Variants in DAG1 observed in about 807,000 individuals in gnomAD.
The protein encoded by DAG1 is dystroglycan 1 (dystrophin-associated glycoprotein 1).
In DAG1, 8 loss-of-function variants were observed where a neutral mutation model predicts 46.1. That is an observed-to-expected ratio of 0.17 (90% CI 0.10 to 0.31). The LOEUF (loss-of-function observed/expected upper bound fraction) is 0.31. Ranked by LOEUF, DAG1 falls within the 10% of genes least tolerant of loss-of-function variation. The pLI is 1.00. For missense variants in DAG1, 1,003 were observed against 1,189.9 expected (o/e 0.84, Z 2.31); for synonymous variants, 495 against 481.8 (o/e 1.03, Z -0.36).
intron 1 of DAG1, among the ~76,000 whole-genome samples, chr3:49,499,101 G>A (rs992973121): frequency 6.6e-6 from 1 of 152,200 alleles, no homozygotes; most frequent in Non-Finnish European, 1.5e-5. Flanking sequence ...GGGAGTAGGG[G>A]CTCCTAGGAG....
At chr3:49,526,207 G>C (rs955981559) in intron 2 of DAG1, among the ~76,000 whole-genome samples, 4 of 152,170 alleles carry the variant, frequency 2.6e-5, no homozygotes, top group African/African-American at 9.7e-5. Context: ...ACAGCACTAG[G>C]GGGGTGGTAC....
At position 49,531,912 on chromosome 3, in the gene DAG1, C is replaced by T. The variant is rs1222765845; in HGVS notation, c.1401C>T (p.Ser467=). Residue 467 remains serine (S), a synonymous_variant, in exon 3 of 3, where the codon TCC becomes TCT. Transcript: ENST00000308775. The surrounding 1 kb of genome is among the most constrained non-coding windows in gnomAD (Gnocchi z 7.0). ...TGCCCCGGGTCACCACCAAAGTTTC[C>T]ATCACCAGATTGGAAACTGCCTCAC... ...RPVPRVTTKV[S]ITRLETASPP... is the part of the protein sequence containing the mutation. The T allele has an allele frequency of 1.2e-5, 19 of 1,614,078 alleles. No individual in the cohort carries two copies. The highest frequency in any genetic ancestry group is 1.4e-5 in the Non-Finnish European group (17 of 1,180,052).
In DAG1 at chr3:49,510,153, A is replaced by G. The variant is rs1575386170; in HGVS notation, c.-116-266A>G. On this transcript the variant is annotated intron_variant, in intron 1 of 2. Transcript: ENST00000308775. ...TACATATCATTTCAGTTTGCAATCAATATTTTAAAAGTATTAATGAGGCAT... is the reference window on the plus strand; with the variant it reads ...TACATATCATTTCAGTTTGCAATCAGTATTTTAAAAGTATTAATGAGGCAT... The G allele has an allele frequency of 2.0e-5, 9 of 456,412 alleles. No individual in the cohort carries two copies. In the East Asian group the frequency reaches 2.3e-4, roughly 12 times the overall value. 28.3% of individuals were successfully genotyped at this position (456,412 alleles called of 1,614,324 possible).
chr3:49,499,655 G>C lies in DAG1; in HGVS notation c.-116-10764G>C, dbSNP rs549936455. On this transcript the variant is annotated intron_variant, in intron 1 of 2. Transcript: ENST00000308775. Reference sequence around the variant, plus strand: ...TCCATAAGGCTGTCTGGACAGAATGGGGTCATAAGGGCCTGGCTCCTCATG... The same window carrying C: ...TCCATAAGGCTGTCTGGACAGAATGCGGTCATAAGGGCCTGGCTCCTCATG... 6.6e-5 allele frequency among the ~76,000 whole-genome samples: 10 copies of C among 152,248 alleles called. No homozygotes were observed. The South Asian group carries it at 2.1e-3, about 32-fold the overall frequency.
At chr3:49,530,716 C>G in intron 2 of DAG1, 81 bp from the exon 3 acceptor site, 1 of 1,593,360 alleles carries the variant, frequency 6.3e-7, no homozygotes, top group South Asian at 1.1e-5. Context: ...ACCTGTCACA[C>G]AATTCAGGTT....
In DAG1 at chr3:49,480,536, G is replaced by A. The variant is rs144935415; in HGVS notation, c.-117+10103G>A. 8.8e-4 allele frequency among the ~76,000 whole-genome samples: 128 copies of A among 145,922 alleles called. 2 individuals are homozygous for A. Among genetic ancestry groups the A allele is most frequent in the African/African-American group, 1.2e-3 (48 of 40,266 alleles). On this transcript the variant is annotated intron_variant, in intron 1 of 2. Transcript: ENST00000308775. ...TCTCGATCTCCTGACCTCGTGATCCGCCCGCCTTGGCCTCCCAAAGAGCTG... is the reference window on the plus strand; with the variant it reads ...TCTCGATCTCCTGACCTCGTGATCCACCCGCCTTGGCCTCCCAAAGAGCTG...
At chr3:49,490,826 T>C (rs1336775677) in intron 1 of DAG1, among the ~76,000 whole-genome samples, 1 of 148,750 alleles carries the variant, frequency 6.7e-6, no homozygotes, top group East Asian at 2.0e-4. Flanking sequence ...CTTCTCAGCC[T>C]CCCAAAGTGC....
intron 2 of DAG1, among the ~76,000 whole-genome samples, chr3:49,525,643 C>T (rs1232037180): frequency 4.0e-5 from 6 of 151,758 alleles, no homozygotes; most frequent in Non-Finnish European, 7.4e-5. Flanking sequence ...CTGCAGGCTC[C>T]GCCCCCCGGG....
chr3:49,498,028 A>G (rs1193936754), intron 1 of DAG1, among the ~76,000 whole-genome samples: 1 of 152,204 alleles, frequency 6.6e-6, no homozygotes, highest in Non-Finnish European at 1.5e-5. Flanking sequence ...AAGTGAGAGA[A>G]GTGTTCAAAG....
upstream of DAG1, among the ~76,000 whole-genome samples, chr3:49,469,567 G>A (rs1383001236): frequency 6.6e-6 from 1 of 152,168 alleles, no homozygotes; most frequent in Non-Finnish European, 1.5e-5. Context: ...GCAGGCGTCG[G>A]ATTCCAGTGT....
chr3:49,491,767 C>T (rs894667813), intron 1 of DAG1, among the ~76,000 whole-genome samples: 4 of 151,498 alleles, frequency 2.6e-5, no homozygotes, highest in Non-Finnish European at 4.4e-5. Flanking sequence ...TGAGCCACCG[C>T]GCCCGGCCTG....
Position 49,482,495 on chromosome 3 carries a change from G to A in DAG1, c.-117+12062G>A, listed in dbSNP as rs557906433. On this transcript the variant is annotated intron_variant, in intron 1 of 2. Transcript: ENST00000308775. ...GAGAAAAACTGCCCTATGGGGGGAG[G>A]CGAGACATGTTTGCAGCAATGCTGC... is the stretch of plus-strand genomic sequence containing the variant. Among the ~76,000 whole-genome samples the A allele has an allele frequency of 7.2e-5, 11 of 152,292 alleles. No homozygotes were observed. The East Asian group carries it at 1.7e-3, about 24-fold the overall frequency.
chr3:49,533,122 G>A lies in DAG1; in HGVS notation c.2611G>A (p.Ala871Thr). 1 of 1,614,144 alleles carries A rather than the reference G, an allele frequency of 6.2e-7. No individual in the cohort carries two copies. Among genetic ancestry groups the A allele is most frequent in the Non-Finnish European group, 8.5e-7 (1 of 1,180,032 alleles). ...PPYQPPPPFT[A>T]PMEGKGSRPK... ...CTACCAGCCCCCACCGCCCTTCACAGCACCCATGGAGGGCAAGGGCTCCCG... is the reference window on the plus strand; with the variant it reads ...CTACCAGCCCCCACCGCCCTTCACAACACCCATGGAGGGCAAGGGCTCCCG... Residue 871 changes from alanine (A) to threonine (T), a missense_variant, in exon 3 of 3, where the codon GCA becomes ACA. By Grantham distance (58) the Ala-to-Thr change is moderately conservative. Coordinates refer to ENST00000308775, the MANE Select transcript of DAG1 (RefSeq NM_004393.6).
intron 2 of DAG1, among the ~76,000 whole-genome samples, chr3:49,515,522 A>G (rs553761925): frequency 8.6e-5 from 13 of 151,348 alleles, no homozygotes; most frequent in African/African-American, 2.9e-4. Context: ...AGTAACTGGG[A>G]CTATAGGTGT....
At chr3:49,479,455 G>A in intron 1 of DAG1, among the ~76,000 whole-genome samples, 1 of 149,022 alleles carries the variant, frequency 6.7e-6, no homozygotes, top group Non-Finnish European at 1.5e-5. Flanking sequence ...GACGACAAGT[G>A]CGTGCCACCA....
chr3:49,490,723 C>T (rs957311773), intron 1 of DAG1, among the ~76,000 whole-genome samples: 1 of 151,576 alleles, frequency 6.6e-6, no homozygotes, highest in African/African-American at 2.4e-5. Context: ...GTGCAGGCTA[C>T]CATGCTGGCC....
Position 49,530,872 on chromosome 3 carries a change from C to T in DAG1, c.361C>T (p.Pro121Ser). ...ACAGAGCCACACCCTGGAGGGCCTC[C>T]CCCTTGACACTGATAAGGGTGTGCA... Reference protein sequence around the residue: ...DSQSHTLEGLPLDTDKGVHYI... With the variant: ...DSQSHTLEGLSLDTDKGVHYI... The change falls in exon 3 of 3, where the codon CCC becomes TCC. Residue 121 changes from proline (P) to serine (S), a missense_variant. This residue lies in a region of DAG1 where 196 missense variants were observed against 239.1 expected (regional missense o/e 0.82). Transcript: ENST00000308775. 6.2e-7 allele frequency: 1 copy of T among 1,614,122 alleles called. No homozygotes were observed. The highest frequency in any genetic ancestry group is 8.5e-7 in the Non-Finnish European group (1 of 1,180,018).
intron 2 of DAG1, among the ~76,000 whole-genome samples, chr3:49,527,865 C>T (rs1002247167): frequency 1.3e-5 from 2 of 152,170 alleles, no homozygotes; most frequent in South Asian, 2.1e-4. Context: ...GTTCAGTCTC[C>T]TCTGCAGTTG....
At chr3:49,483,651 T>C (rs757055729) in intron 1 of DAG1, among the ~76,000 whole-genome samples, 9 of 151,550 alleles carry the variant, frequency 5.9e-5, no homozygotes, top group Non-Finnish European at 5.9e-5. Context: ...CTACCTCTTA[T>C]GTGAGGTATG....
Sources: allele counts gnomAD v4.1 joint callset (sites outside exome capture counted in the v4.1 genomes callset), GRCh38; gene constraint gnomAD v4.1.1; regional missense constraint gnomAD v4.1.1; non-coding constraint Gnocchi (gnomAD v3.1); transcripts MANE v1.5; gene names NCBI Gene and HGNC (gene_info 2026-07-23, HGNC 2026-07-21).